DMD: variants seen among roughly 807,000 people sequenced by gnomAD.
DMD encodes the protein dystrophin.
Under a neutral mutation model 330.1 loss-of-function variants are expected in DMD, and 63 were observed. The ratio of observed to expected loss-of-function variants is 0.19; its 90% CI spans 0.16 to 0.24. The LOEUF (loss-of-function observed/expected upper bound fraction) is 0.24. DMD is among the 10% of genes least tolerant of loss of function. DMD has a pLI of 1.00. For synonymous variants in DMD, 1,223 were observed against 959.8 expected (o/e 1.27, Z -5.07); for missense variants, 3,344 against 2,684.1 (o/e 1.25, Z -5.43).
intron 43 of DMD, among the ~76,000 whole-genome samples, chrX:32,233,884 T>C (rs1403030601): frequency 1.8e-5 from 2 of 110,361 alleles, no homozygotes; most frequent in Admixed American, 2.0e-4. Flanking sequence ...CCCACCTTGG[T>C]CTCTCAAAGT....
At chrX:32,128,283 A>G (rs2146875898) in intron 44 of DMD, among the ~76,000 whole-genome samples, 1 of 112,132 alleles carries the variant, frequency 8.9e-6, no homozygotes, top group East Asian at 2.8e-4. Context: ...AGACTTCCTC[A>G]GAAATATTTT....
chrX:31,620,569 C>G (rs996261436), intron 55 of DMD, among the ~76,000 whole-genome samples: 1 of 109,719 alleles, frequency 9.1e-6, no homozygotes, highest in African/African-American at 3.3e-5. Context: ...CGTGTGCCAC[C>G]ACACCTGGCT....
rs757738204 is a variant in DMD, at chrX:31,306,109, G to T, written c.9224+17489C>A. Among the ~76,000 whole-genome samples the T allele has an allele frequency of 4.5e-5, 5 of 111,025 alleles. No individual in the cohort carries two copies. The East Asian group carries it at 1.4e-3, about 31-fold the overall frequency. ...TCTTTGAAAATAATACATGAAACTT[G>T]GAAATTGGGAAAACATATTTACTAT... On this transcript the variant is annotated intron_variant, in intron 62 of 78. Coordinates refer to ENST00000357033, the MANE Select transcript of DMD (RefSeq NM_004006.3).
intron 7 of DMD, among the ~76,000 whole-genome samples, chrX:32,758,645 G>A (rs766255475): frequency 2.7e-5 from 3 of 111,213 alleles, no homozygotes; most frequent in Admixed American, 9.6e-5. Flanking sequence ...CTCAGACTTC[G>A]GAATCAAACC....
chrX:32,405,959 G>A (rs2098114789), intron 30 of DMD, among the ~76,000 whole-genome samples: 1 of 110,659 alleles, frequency 9.0e-6, no homozygotes, highest in South Asian at 3.8e-4. Context: ...CCTTGAAGAG[G>A]TCCTTCACAT....
rs1186819296 is a variant in DMD, at chrX:32,252,815, AGTATATAAAT to A, written c.6290+34704_6290+34713del. ...ATAAATATATATATAAATATATATA[AGTATATAAAT>A]ATATATAAATATATATAAATATATA... On this transcript the variant is annotated intron_variant, in intron 43 of 78. Coordinates refer to ENST00000357033, the MANE Select transcript of DMD (RefSeq NM_004006.3). Among the ~76,000 whole-genome samples the A allele has an allele frequency of 1.6e-3, 78 of 50,260 alleles. 7 individuals are homozygous for A. Among genetic ancestry groups the A allele is most frequent in the African/African-American group, 7.4e-3 (77 of 10,386 alleles). 43.6% of individuals were successfully genotyped at this position (50,260 alleles called of 115,157 possible). A position where few individuals can be genotyped will look rare whatever the true frequency, so the allele number is the denominator to read the frequency against.
intron 44 of DMD, among the ~76,000 whole-genome samples, chrX:32,159,646 G>A (rs2096842000): frequency 8.9e-6 from 1 of 111,902 alleles, no homozygotes; most frequent in Non-Finnish European, 1.9e-5. Context: ...AAAACTACAT[G>A]GAGGCCCAGA....
intron 1 of DMD, among the ~76,000 whole-genome samples, chrX:33,188,460 C>A (rs1406556929): frequency 9.1e-6 from 1 of 110,227 alleles, no homozygotes; most frequent in Non-Finnish European, 1.9e-5. Flanking sequence ...GATCAATTTG[C>A]ACTACAATCA....
chrX:31,508,279 T>C (rs781425209), intron 55 of DMD: 2 of 1,196,950 alleles, frequency 1.7e-6, no homozygotes, highest in Non-Finnish European at 2.3e-6. Context: ...TCCTGTTGCA[T>C]AGCAATCCTG....
chrX:32,660,607 T>C (rs1484479283), intron 9 of DMD, among the ~76,000 whole-genome samples: 2 of 111,535 alleles, frequency 1.8e-5, no homozygotes, highest in Non-Finnish European at 3.8e-5. Context: ...AGCATGAATG[T>C]CTTATAAAAT....
intron 43 of DMD, among the ~76,000 whole-genome samples, chrX:32,260,979 C>T (rs773703872): frequency 9.7e-6 from 1 of 103,486 alleles, no homozygotes; most frequent in Non-Finnish European, 2.1e-5. Flanking sequence ...GGATGTTAGC[C>T]TCTGGCCTAG....
chrX:33,216,585 C>A (rs1457661769), intron 1 of DMD, among the ~76,000 whole-genome samples: 1 of 109,220 alleles, frequency 9.2e-6, no homozygotes, highest in Non-Finnish European at 1.9e-5. Flanking sequence ...TGAACATGTA[C>A]CCCCGATTCA....
At position 31,120,136 on chromosome X, in the gene DMD, T is replaced by C. The variant is rs7886658; in HGVS notation, c.*1783A>G. 0.025 allele frequency: 2,794 copies of C among 111,003 alleles called. 68 individuals carry two copies. Among genetic ancestry groups the C allele is most frequent in the South Asian group, 0.13 (336 of 2,632 alleles). 9.1% of individuals were successfully genotyped at this position (111,003 alleles called of 1,213,427 possible). The stretch of plus-strand genomic sequence containing the variant: ...CAGAGGTAACAGATTTGCAAAATTA[T>C]AGGTCACACGGTGGTATCTATTGAA... On this transcript the variant is annotated 3_prime_UTR_variant, in exon 79 of 79. Coordinates refer to ENST00000357033, the MANE Select transcript of DMD (RefSeq NM_004006.3).
At chrX:31,159,142 A>T (rs1187778132) in intron 74 of DMD, among the ~76,000 whole-genome samples, 2 of 112,147 alleles carry the variant, frequency 1.8e-5, no homozygotes, top group Non-Finnish European at 3.8e-5. Flanking sequence ...CTGTGGAGAT[A>T]AAGATATATG....
chrX:31,721,324 T>C (rs1419078763), intron 52 of DMD, among the ~76,000 whole-genome samples: 1 of 109,936 alleles, frequency 9.1e-6, no homozygotes, highest in Non-Finnish European at 1.9e-5. Context: ...ATTTTTTAGA[T>C]GTGATTAACA....
At chrX:31,831,770 G>T (rs974880192) in intron 49 of DMD, among the ~76,000 whole-genome samples, 8 of 110,484 alleles carry the variant, frequency 7.2e-5, no homozygotes, top group Non-Finnish European at 1.1e-4. Context: ...GGCTAATTTT[G>T]TTTTTGTATT....
chrX:32,025,764 C>T (rs1289044595), intron 44 of DMD, among the ~76,000 whole-genome samples: 2 of 111,596 alleles, frequency 1.8e-5, no homozygotes, highest in African/African-American at 3.3e-5. Context: ...AATAAAAACA[C>T]GGTCAGAGTT....
chrX:31,230,481 TA>T (rs2047085244), intron 63 of DMD, among the ~76,000 whole-genome samples: 1 of 110,465 alleles, frequency 9.1e-6, no homozygotes, highest in Non-Finnish European at 1.9e-5. Context: ...ACCCCGTCTC[TA>T]TTAAAAACAC....
At chrX:33,266,378 C>A (rs1466837342) in intron 1 of DMD, among the ~76,000 whole-genome samples, 6 of 111,659 alleles carry the variant, frequency 5.4e-5, no homozygotes, top group African/African-American at 1.9e-4. Flanking sequence ...AATTATTCAA[C>A]CCCATTATGT....
Sources: gnomAD v4.1 joint callset for allele counts (sites outside exome capture counted in the v4.1 genomes callset) on GRCh38, gnomAD v4.1.1 for gene constraint, MANE v1.5 for transcripts, NCBI Gene and HGNC (gene_info 2026-07-23, HGNC 2026-07-21) for gene names.